Variants in CPO observed in about 807,000 individuals in gnomAD.
CPO encodes the protein metallocarboxypeptidase C.
Under a neutral mutation model 41.2 loss-of-function variants are expected in CPO, and 43 were observed. The ratio of observed to expected loss-of-function variants is 1.04; its 90% CI spans 0.82 to 1.35. The LOEUF (loss-of-function observed/expected upper bound fraction) is 1.35, where lower values mean the gene tolerates loss of function less well. CPO is among the 40% of genes most tolerant of loss of function. CPO has a pLI of 0.00. For missense variants in CPO, 408 were observed against 451.7 expected, an observed-to-expected ratio of 0.90 and a Z score of 0.88; for synonymous variants, 178 against 162.7, an observed-to-expected ratio of 1.09 and a Z score of -0.72.
chr2:206,952,928 G>A (rs1379008371), intron 2 of CPO, among the ~76,000 whole-genome samples: 3 of 152,178 alleles, frequency 2.0e-5, no homozygotes, highest in Non-Finnish European at 2.9e-5. Context: ...GCAAGAGAGT[G>A]TGTGCAAGGG....
In CPO at chr2:206,939,552, A is replaced by T. The variant is rs111449068; in HGVS notation, c.-48A>T. 8.2e-6 allele frequency: 12 copies of T among 1,466,582 alleles called. No homozygotes were observed. The highest frequency in any genetic ancestry group is 1.1e-5 in the Non-Finnish European group (12 of 1,047,654). The allele number at this position is 1,466,582 out of a possible 1,614,324, so 90.8% of individuals were successfully genotyped here. On this transcript the variant is annotated 5_prime_UTR_variant, in exon 1 of 9. Transcript: ENST00000272852. ...ATGCATTCATTCTCAAGGACACTTG[A>T]TCCACTGCCAGAGAGGCCCAGAATT...
At chr2:206,948,442 G>A (rs141253028) in intron 1 of CPO, among the ~76,000 whole-genome samples, 162 of 152,306 alleles carry the variant, frequency 1.1e-3, no homozygotes, top group African/African-American at 3.6e-3. Context: ...GGATAAATTG[G>A]AAGAATGCAG....
rs1197961464 is a variant in CPO at position 206,969,213 on chromosome 2, T to C, written c.902T>C (p.Ile301Thr). Residue 301 changes from isoleucine (I) to threonine (T), a missense_variant, in exon 9 of 9, where the codon ATT becomes ACT. Transcript: ENST00000272852. ...SGSSRDWARD[I>T]GIPFSYTFEL... is the part of the protein sequence containing the mutation. Reference sequence around the variant, plus strand: ...TCTTCAAGAGATTGGGCCCGAGACATTGGGATTCCCTTCTCATATACGTTT... The same window carrying C: ...TCTTCAAGAGATTGGGCCCGAGACACTGGGATTCCCTTCTCATATACGTTT... 3.7e-6 allele frequency: 6 copies of C among 1,613,994 alleles called. No homozygotes were observed. Among genetic ancestry groups the C allele is most frequent in the Non-Finnish European group, 5.1e-6 (6 of 1,179,972 alleles).
At chr2:206,957,567 A>G (rs1574352811) in intron 3 of CPO, among the ~76,000 whole-genome samples, 1 of 152,328 alleles carries the variant, frequency 6.6e-6, no homozygotes, top group African/African-American at 2.4e-5. Flanking sequence ...ATGGTTTTCA[A>G]CAAATAGCCT....
Position 206,958,336 on chromosome 2 carries a change from T to C in CPO, c.303T>C (p.Ile101=), listed in dbSNP as rs754912182. The change falls in exon 4 of 9, where the codon ATT becomes ATC. Residue 101 remains isoleucine, a synonymous_variant. Transcript: ENST00000272852. ...SQPSGNPKKI[I]WMDCGIHARE... ...CATCTGGTAATCCCAAGAAAATCATTTGGATGGACTGTGGAATTCACGCCA... is the reference window on the plus strand; with the variant it reads ...CATCTGGTAATCCCAAGAAAATCATCTGGATGGACTGTGGAATTCACGCCA... 5.0e-6 allele frequency: 8 copies of C among 1,599,922 alleles called. No individual in the cohort carries two copies. Among genetic ancestry groups the C allele is most frequent in the Middle Eastern group, 3.3e-4 (2 of 6,032 alleles).
chr2:206,943,763 TAGA>T (rs1693087011), intron 1 of CPO, among the ~76,000 whole-genome samples: 1 of 146,866 alleles, frequency 6.8e-6, no homozygotes, highest in Non-Finnish European at 1.5e-5. Flanking sequence ...GATAGATAGA[TAGA>T]TAGATAGATA....
At chr2:206,968,936 T>C (rs1173004177) in intron 8 of CPO, among the ~76,000 whole-genome samples, 1 of 152,204 alleles carries the variant, frequency 6.6e-6, no homozygotes, top group Non-Finnish European at 1.5e-5. Flanking sequence ...TAGCCAAACC[T>C]TTCTATGTGC....
chr2:206,966,832 C>T (rs976769773), intron 7 of CPO, among the ~76,000 whole-genome samples: 1 of 152,290 alleles, frequency 6.6e-6, no homozygotes, highest in Middle Eastern at 3.4e-3. Flanking sequence ...TGCCCACAAC[C>T]GTCCAGTATG....
At chr2:206,943,784 AGCAG>A (rs1693089777) in intron 1 of CPO, among the ~76,000 whole-genome samples, 2 of 125,970 alleles carry the variant, frequency 1.6e-5, no homozygotes, top group Admixed American at 7.9e-5. Flanking sequence ...ATAGATGATA[AGCAG>A]ATAGATGGAC....
chr2:206,961,695 C>T (rs1439495681), intron 6 of CPO, among the ~76,000 whole-genome samples: 1 of 152,064 alleles, frequency 6.6e-6, no homozygotes, highest in Non-Finnish European at 1.5e-5. Context: ...GCTAGTAAGA[C>T]ATGAAGGAAA....
chr2:206,949,693 A>G lies in CPO; in HGVS notation c.145A>G (p.Ile49Val), dbSNP rs879263651. 38 of 1,611,286 alleles carry G rather than the reference A, an allele frequency of 2.4e-5. No individual in the cohort carries two copies. The highest frequency in any genetic ancestry group is 3.2e-5 in the Non-Finnish European group (38 of 1,177,674). The part of the protein sequence containing the change: ...PWSLETYSYN[I>V]YHPMGEIYEW... ...GAGCCTGGAGACGTATTCCTATAAC[A>G]TATACCACCCCATGGGAGAGGTAAG... Residue 49 changes from isoleucine to valine, a missense_variant, in exon 2 of 9, where the codon ATA (isoleucine) becomes GTA (valine). Ile to Val is a conservative substitution (Grantham distance 29, BLOSUM62 3). Transcript: ENST00000272852.
chr2:206,954,769 G>T (rs887544380), intron 2 of CPO, among the ~76,000 whole-genome samples: 8 of 152,172 alleles, frequency 5.3e-5, no homozygotes, highest in Admixed American at 1.3e-4. Flanking sequence ...CAGCAGGGCT[G>T]GGGAGGCCTC....
At chr2:206,956,671 C>T (rs1693372712) in intron 3 of CPO, among the ~76,000 whole-genome samples, 1 of 152,136 alleles carries the variant, frequency 6.6e-6, no homozygotes, top group Non-Finnish European at 1.5e-5. Flanking sequence ...ATGCTGATAC[C>T]ACTGGTCCAG....
chr2:206,950,933 G>T (rs1034091870), intron 2 of CPO, among the ~76,000 whole-genome samples: 1 of 151,904 alleles, frequency 6.6e-6, no homozygotes, highest in Non-Finnish European at 1.5e-5. Flanking sequence ...TTGTGGGTGG[G>T]GTGGGGGCCT....
At chr2:206,945,949 TAA>T (rs1431360395) in intron 1 of CPO, among the ~76,000 whole-genome samples, 2 of 149,124 alleles carry the variant, frequency 1.3e-5, no homozygotes, top group African/African-American at 4.9e-5. Flanking sequence ...AATAAATAAA[TAA>T]ATATTTAAAA....
Position 206,960,442 on chromosome 2 carries a change from G to A in CPO, c.484-410G>A, listed in dbSNP as rs186826385. Among the ~76,000 whole-genome samples, 19 of 152,240 alleles carry A rather than the reference G, an allele frequency of 1.2e-4. No homozygotes were observed. In the East Asian group the frequency reaches 3.3e-3, roughly 26 times the overall value. ...TCCTCAGCTTCCAGAAATGTGCAGA[G>A]ACCATCTCTGACACACCTGGAATGG... On this transcript the variant is annotated intron_variant, in intron 5 of 8. Coordinates refer to ENST00000272852, the MANE Select transcript of CPO (RefSeq NM_173077.3).
rs139233037 is a variant in CPO at position 206,965,706 on chromosome 2, T to C, written c.778-2557T>C. On this transcript the variant is annotated intron_variant, in intron 7 of 8. Coordinates refer to ENST00000272852, the MANE Select transcript of CPO (RefSeq NM_173077.3). ...TGTGGGCCTGCCTCTGAATATATGCTTACAGGAAATTCTCTGGGCCCAGAG... is the reference window on the plus strand; with the variant it reads ...TGTGGGCCTGCCTCTGAATATATGCCTACAGGAAATTCTCTGGGCCCAGAG... 3.0e-3 allele frequency among the ~76,000 whole-genome samples: 458 copies of C among 152,220 alleles called. 1 individual carries two copies. Among genetic ancestry groups the C allele is most frequent in the Non-Finnish European group, 4.8e-3 (324 of 68,014 alleles).
intron 1 of CPO, among the ~76,000 whole-genome samples, chr2:206,942,002 C>T (rs543080569): frequency 6.6e-6 from 1 of 151,912 alleles, no homozygotes; most frequent in South Asian, 2.1e-4. Context: ...AAAATAAGAA[C>T]AAAGATTTAC....
In CPO at chr2:206,960,895, CAT is replaced by C. The variant is rs755240045; in HGVS notation, c.528_529del (p.Cys177PhefsTer15). The C allele has an allele frequency of 1.9e-5, 30 of 1,613,716 alleles. No individual in the cohort carries two copies. Among genetic ancestry groups the C allele is most frequent in the South Asian group, 1.6e-4 (15 of 91,080 alleles). On this transcript the variant is annotated frameshift_variant, in exon 6 of 9. Transcript: ENST00000272852. LOFTEE classifies it high-confidence loss of function. ...TCCCGTTCACCCCATAATAATGGCA[CAT>C]GTTTTGGGACGGATCTCAATCGAAA...
Sources: gnomAD v4.1 joint callset for allele counts (sites outside exome capture counted in the v4.1 genomes callset) on GRCh38, gnomAD v4.1.1 for gene constraint, MANE v1.5 for transcripts, NCBI Gene and HGNC (gene_info 2026-07-23, HGNC 2026-07-21) for gene names.